NAV3: variants seen among roughly 807,000 people sequenced by gnomAD.
The protein encoded by NAV3 is neuron navigator 3.
A neutral mutation model predicts 244.7 loss-of-function variants in NAV3; 87 were observed. That is an observed-to-expected ratio of 0.36 (90% CI 0.30 to 0.42). The LOEUF is 0.42. NAV3 is among the 20% of genes least tolerant of loss of function. NAV3 has a pLI of 1.00. For missense variants in NAV3, 2,663 were observed against 2,893.3 expected (o/e 0.92, Z 1.83); for synonymous variants, 1,126 against 1,042.2 (o/e 1.08, Z -1.55).
At chr12:77,838,943 C>G (rs550509802) in intron 1 of NAV3, among the ~76,000 whole-genome samples, 99 of 152,324 alleles carry the variant, frequency 6.5e-4, no homozygotes, top group Middle Eastern at 3.4e-3. Context: ...TCCTCCCTTT[C>G]TCTTTCTTCC....
intron 4 of NAV3, 91 bp from the exon 5 acceptor site, chr12:77,968,428 T>A: frequency 2.0e-6 from 2 of 1,018,314 alleles, no homozygotes; most frequent in Admixed American, 2.0e-5. Flanking sequence ...TCTGTCTTCA[T>A]AGATTTATTT....
intron 2 of NAV3, among the ~76,000 whole-genome samples, chr12:77,699,157 G>C (rs752786950): frequency 2.0e-5 from 3 of 152,042 alleles, no homozygotes; most frequent in Non-Finnish European, 4.4e-5. Context: ...TAAGAATCTT[G>C]CAGGACATGA....
intron 2 of NAV3, among the ~76,000 whole-genome samples, chr12:77,823,776 A>T (rs929979405): frequency 1.3e-5 from 2 of 152,190 alleles, no homozygotes; most frequent in Non-Finnish European, 2.9e-5. Context: ...AGGGAAAAAA[A>T]TCCATTAATG....
chr12:77,902,276 G>A (rs1020138830), intron 1 of NAV3, among the ~76,000 whole-genome samples: 7 of 152,084 alleles, frequency 4.6e-5, no homozygotes, highest in Admixed American at 2.0e-4. Context: ...ATCAAAGCAG[G>A]GGTTTGACTG....
chr12:78,076,798 A>G (rs1257304787), intron 12 of NAV3, among the ~76,000 whole-genome samples: 2 of 152,208 alleles, frequency 1.3e-5, no homozygotes, highest in Non-Finnish European at 2.9e-5. Context: ...ATTCTATAGA[A>G]GCCATATAAT....
intron 34 of NAV3, among the ~76,000 whole-genome samples, chr12:78,196,369 C>G (rs1439443782): frequency 6.6e-6 from 1 of 151,938 alleles, no homozygotes; most frequent in Non-Finnish European, 1.5e-5. Flanking sequence ...GAGGTTGCAT[C>G]TAGAGTGAGC....
intron 5 of NAV3, among the ~76,000 whole-genome samples, chr12:77,977,430 T>A (rs994244218): frequency 2.0e-5 from 3 of 152,152 alleles, no homozygotes; most frequent in African/African-American, 2.4e-5. Context: ...TGGAATAACA[T>A]CTTTATTTCT....
At chr12:77,877,046 A>C (rs1881940182) in intron 1 of NAV3, among the ~76,000 whole-genome samples, 1 of 152,078 alleles carries the variant, frequency 6.6e-6, no homozygotes, top group South Asian at 2.1e-4. Context: ...ACATCCCTTA[A>C]AGCTATGCAG....
At chr12:77,969,388 T>C (rs1892804726) in intron 5 of NAV3, among the ~76,000 whole-genome samples, 1 of 152,098 alleles carries the variant, frequency 6.6e-6, no homozygotes, top group Non-Finnish European at 1.5e-5. Flanking sequence ...AAGAGATTTA[T>C]TGTGAAGAAT....
intron 1 of NAV3, among the ~76,000 whole-genome samples, chr12:77,890,999 A>C (rs1343858895): frequency 2.0e-5 from 3 of 152,148 alleles, no homozygotes; most frequent in Non-Finnish European, 4.4e-5. Context: ...GTGATTAGTC[A>C]AATATTTTCC....
At chr12:78,122,526 C>T (rs2138713628) in intron 16 of NAV3, 98 bp downstream of exon 16, 1 of 1,407,474 alleles carries the variant, frequency 7.1e-7, no homozygotes, top group Non-Finnish European at 9.5e-7. Context: ...ACTGTGAGTG[C>T]CCCGGTGCAA....
At chr12:77,798,757 C>G (rs1212895059) in intron 2 of NAV3, among the ~76,000 whole-genome samples, 1 of 152,124 alleles carries the variant, frequency 6.6e-6, no homozygotes, top group African/African-American at 2.4e-5. Context: ...TAGGATTAGG[C>G]TTTGTTTGTT....
intron 2 of NAV3, among the ~76,000 whole-genome samples, chr12:77,817,590 C>T (rs1421092473): frequency 6.6e-6 from 1 of 151,724 alleles, no homozygotes; most frequent in Non-Finnish European, 1.5e-5. Flanking sequence ...TGAGGTTTCT[C>T]TAGCAAAGCA....
intron 1 of NAV3, among the ~76,000 whole-genome samples, chr12:77,878,401 G>T (rs915274050): frequency 4.0e-5 from 6 of 151,874 alleles, no homozygotes; most frequent in South Asian, 2.1e-4. Context: ...AATTTTGGGG[G>T]TATTTTTAGT....
intron 2 of NAV3, among the ~76,000 whole-genome samples, chr12:77,807,204 T>C (rs1429097751): frequency 6.6e-6 from 1 of 152,248 alleles, no homozygotes; most frequent in Non-Finnish European, 1.5e-5. Context: ...ATGTGTGAAT[T>C]TGATCCTGTC....
chr12:77,834,496 C>G (rs1328706394), intron 1 of NAV3, among the ~76,000 whole-genome samples: 1 of 152,210 alleles, frequency 6.6e-6, no homozygotes, highest in Non-Finnish European at 1.5e-5. Context: ...AAATTCCATT[C>G]TAATCTTCTG....
At chr12:78,100,854 T>C (rs1201062518) in intron 12 of NAV3, among the ~76,000 whole-genome samples, 2 of 152,154 alleles carry the variant, frequency 1.3e-5, no homozygotes, top group African/African-American at 4.8e-5. Context: ...AATACCCTTT[T>C]TGACAATATC....
At chr12:78,136,642 C>T (rs760546664) in intron 18 of NAV3, among the ~76,000 whole-genome samples, 12 of 152,072 alleles carry the variant, frequency 7.9e-5, no homozygotes, top group Non-Finnish European at 1.8e-4. Context: ...GTTTATTATA[C>T]ACTATTTCCT....
chr12:77,911,097 G>T (rs2137044318), intron 1 of NAV3, among the ~76,000 whole-genome samples: 1 of 152,196 alleles, frequency 6.6e-6, no homozygotes, highest in Non-Finnish European at 1.5e-5. Flanking sequence ...ATGAATGGAA[G>T]AATGAATACC....
Sources: allele counts gnomAD v4.1 joint callset (sites outside exome capture counted in the v4.1 genomes callset), GRCh38; gene constraint gnomAD v4.1.1; transcripts MANE v1.5; gene names NCBI Gene and HGNC (gene_info 2026-07-23, HGNC 2026-07-21).